The following ATE1 variants were observed in gnomAD, a reference collection of about 807,000 sequenced individuals.
ATE1 encodes the protein arginyltransferase 1.
In ATE1, 36 loss-of-function variants were observed where a neutral mutation model predicts 70.5. The ratio of observed to expected loss-of-function variants is 0.51; its 90% CI spans 0.39 to 0.67. The LOEUF (loss-of-function observed/expected upper bound fraction) is 0.67. Ranked by LOEUF, ATE1 falls within the 30% of genes least tolerant of loss-of-function variation. ATE1 has a pLI of 0.00. For missense variants in ATE1, 593 were observed against 629.5 expected (o/e 0.94, Z 0.62); for synonymous variants, 232 against 219.3 (o/e 1.06, Z -0.51).
intron 11 of ATE1, among the ~76,000 whole-genome samples, chr10:121,765,247 G>T (rs919694012): frequency 5.9e-5 from 9 of 152,192 alleles, no homozygotes; most frequent in African/African-American, 1.9e-4. Context: ...CCCTCCATGA[G>T]AAGTCACCTC....
intron 7 of ATE1, among the ~76,000 whole-genome samples, chr10:121,897,709 C>G (rs1417894702): frequency 6.6e-6 from 1 of 151,876 alleles, no homozygotes; most frequent in Admixed American, 6.6e-5. Context: ...GCCTGTAGTC[C>G]CAGCTACTCA....
At chr10:121,813,283 C>A (rs1292951165) in intron 10 of ATE1, among the ~76,000 whole-genome samples, 1 of 152,170 alleles carries the variant, frequency 6.6e-6, no homozygotes, top group African/African-American at 2.4e-5. Context: ...CTATTCTGAT[C>A]TCATCAATTC....
intron 11 of ATE1, among the ~76,000 whole-genome samples, chr10:121,756,360 GCA>G (rs1944801131): frequency 6.6e-6 from 1 of 152,176 alleles, no homozygotes; most frequent in African/African-American, 2.4e-5. Flanking sequence ...TTTTCCAGGT[GCA>G]CAGTGCAGGC....
intron 10 of ATE1, among the ~76,000 whole-genome samples, chr10:121,800,095 A>G (rs922668256): frequency 6.6e-6 from 1 of 152,184 alleles, no homozygotes; most frequent in Non-Finnish European, 1.5e-5. Flanking sequence ...TTATAAGAAG[A>G]CGGATGTGAA....
chr10:121,813,444 C>A (rs1590368163), intron 10 of ATE1, among the ~76,000 whole-genome samples: 2 of 152,212 alleles, frequency 1.3e-5, no homozygotes, highest in African/African-American at 4.8e-5. Context: ...ACAGCTGTTA[C>A]CCTCCCTAGT....
intron 10 of ATE1, among the ~76,000 whole-genome samples, chr10:121,803,706 C>T (rs1182392888): frequency 6.6e-6 from 1 of 152,182 alleles, no homozygotes; most frequent in Non-Finnish European, 1.5e-5. Flanking sequence ...AATCATATCT[C>T]TATCTGGAGC....
chr10:121,908,288 G>T (rs557256795), intron 5 of ATE1, among the ~76,000 whole-genome samples: 1 of 152,312 alleles, frequency 6.6e-6, no homozygotes, highest in Admixed American at 6.5e-5. Flanking sequence ...TGGATCACCT[G>T]AGGTCAGGAG....
intron 7 of ATE1, among the ~76,000 whole-genome samples, chr10:121,872,438 A>G (rs533928403): frequency 2.0e-5 from 3 of 152,318 alleles, no homozygotes; most frequent in African/African-American, 7.2e-5. Flanking sequence ...ACACACATTG[A>G]CACTCCTATT....
In ATE1 at chr10:121,836,810, C is replaced by T. The variant is rs1221160755; in HGVS notation, c.1165G>A (p.Ala389Thr). The T allele has an allele frequency of 1.9e-6, 3 of 1,596,006 alleles. No individual in the cohort carries two copies. The South Asian group carries it at 3.5e-5, about 18-fold the overall frequency. ...TTCTCATGAAGCTGCCTAGTAAAAGCAATTTCTCTGCGAAAAGAAAAAGAA... is the reference window on the plus strand; with the variant it reads ...TTCTCATGAAGCTGCCTAGTAAAAGTAATTTCTCTGCGAAAAGAAAAAGAA... ...LGVYSALREI[A>T]FTRQLHEKTS... Residue 389 changes from alanine to threonine, a missense_variant, in exon 10 of 12, where the codon GCT becomes ACT. Transcript: ENST00000224652.
intron 10 of ATE1, among the ~76,000 whole-genome samples, chr10:121,794,661 T>TAAAAAA (rs374044559): frequency 1.1e-4 from 7 of 65,706 alleles, no homozygotes; most frequent in East Asian, 5.1e-4. Flanking sequence ...GAATGTCTGG[T>TAAAAAA]AAAAAAAAAA....
intron 8 of ATE1, among the ~76,000 whole-genome samples, chr10:121,863,969 T>G (rs1949570396): frequency 6.6e-6 from 1 of 152,320 alleles, no homozygotes; most frequent in Non-Finnish European, 1.5e-5. Flanking sequence ...CCTATCCATG[T>G]CTCTGTATTT....
intron 3 of ATE1, among the ~76,000 whole-genome samples, chr10:121,916,614 T>A (rs1951669937): frequency 1.3e-5 from 2 of 151,442 alleles, no homozygotes; most frequent in South Asian, 4.2e-4. Flanking sequence ...GGCAGGTGGA[T>A]CACGAGGTCA....
intron 10 of ATE1, among the ~76,000 whole-genome samples, chr10:121,836,307 C>T (rs957856058): frequency 1.3e-5 from 2 of 152,158 alleles, no homozygotes; most frequent in South Asian, 2.1e-4. Flanking sequence ...CATGCAACTT[C>T]AGAGCTGAAA....
At chr10:121,859,369 G>C in intron 8 of ATE1, among the ~76,000 whole-genome samples, 1 of 150,308 alleles carries the variant, frequency 6.7e-6, no homozygotes. Context: ...CCATTCTCCT[G>C]CCTCAGCCTC....
intron 11 of ATE1, among the ~76,000 whole-genome samples, chr10:121,765,666 C>T (rs757569102): frequency 3.9e-5 from 6 of 152,210 alleles, no homozygotes; most frequent in African/African-American, 1.4e-4. Flanking sequence ...AACTCCCAAA[C>T]TGCCACATTC....
At chr10:121,837,165 A>G (rs1948463596) in intron 9 of ATE1, among the ~76,000 whole-genome samples, 1 of 152,222 alleles carries the variant, frequency 6.6e-6, no homozygotes, top group Non-Finnish European at 1.5e-5. Flanking sequence ...TAACAGGTTA[A>G]AAACAGTACA....
chr10:121,769,080 AC>A (rs1469424644), intron 11 of ATE1, among the ~76,000 whole-genome samples: 2 of 152,180 alleles, frequency 1.3e-5, no homozygotes, highest in African/African-American at 2.4e-5. Flanking sequence ...CAAAAGAGCT[AC>A]AATAACGAAA....
chr10:121,752,714 G>A (rs777878260), intron 11 of ATE1, among the ~76,000 whole-genome samples: 1 of 152,166 alleles, frequency 6.6e-6, no homozygotes, highest in African/African-American at 2.4e-5. Context: ...CCATAAACAT[G>A]AGGGTTTATT....
In ATE1 at chr10:121,761,846, T is replaced by A. The variant is rs143315516; in HGVS notation, c.1379-17988A>T. On this transcript the variant is annotated intron_variant, in intron 11 of 11. Transcript: ENST00000224652. ...TCGATTTTTTCTCTATATTAGTTCC[T>A]TTTCACTAACTTTTACAAAAGCTTA... is the stretch of plus-strand genomic sequence containing the variant. Among the ~76,000 whole-genome samples, 449 of 151,502 alleles carry A rather than the reference T, an allele frequency of 3.0e-3. 4 individuals are homozygous for A. The highest frequency in any genetic ancestry group is 0.01 in the African/African-American group (417 of 40,778).
Sources: allele counts gnomAD v4.1 joint callset (sites outside exome capture counted in the v4.1 genomes callset), GRCh38; gene constraint gnomAD v4.1.1; transcripts MANE v1.5; gene names NCBI Gene and HGNC (gene_info 2026-07-23, HGNC 2026-07-21).